The following PDE11A variants were observed in gnomAD, a reference collection of about 807,000 sequenced individuals.
PDE11A encodes the protein phosphodiesterase 11A.
Under a neutral mutation model 100.5 loss-of-function variants are expected in PDE11A, and 100 were observed. The ratio of observed to expected loss-of-function variants is 1.00; its 90% CI spans 0.85 to 1.18. The LOEUF (loss-of-function observed/expected upper bound fraction) is 1.18. Ranked by LOEUF, PDE11A falls within the 50% of genes most tolerant of loss-of-function variation. The pLI is 0.00. For missense variants in PDE11A, 1,141 were observed against 1,152.6 expected (o/e 0.99, Z 0.15); for synonymous variants, 381 against 420.8 (o/e 0.91, Z 1.16).
chr2:177,859,250 A>C (rs1166859652), intron 5 of PDE11A, among the ~76,000 whole-genome samples: 1 of 152,068 alleles, frequency 6.6e-6, no homozygotes, highest in Admixed American at 6.6e-5. Context: ...TAAAAAAATA[A>C]AATAAAATAA....
chr2:177,666,502 T>C (rs1286038525), intron 18 of PDE11A, among the ~76,000 whole-genome samples: 1 of 152,246 alleles, frequency 6.6e-6, no homozygotes, highest in East Asian at 1.9e-4. Flanking sequence ...TGCACCATTT[T>C]ACATTCCTGC....
intron 9 of PDE11A, among the ~76,000 whole-genome samples, chr2:177,782,212 C>T (rs1416461505): frequency 6.6e-6 from 1 of 152,152 alleles, no homozygotes; most frequent in African/African-American, 2.4e-5. Flanking sequence ...TGAAATTTAA[C>T]AGGTACTTTG....
At chr2:177,776,430 A>T (rs1381589765) in intron 9 of PDE11A, among the ~76,000 whole-genome samples, 1 of 152,066 alleles carries the variant, frequency 6.6e-6, no homozygotes, top group African/African-American at 2.4e-5. Context: ...ACCTCACAAC[A>T]TCTCCCAATG....
chr2:177,699,644 C>G (rs934809), intron 14 of PDE11A, among the ~76,000 whole-genome samples: 116,405 of 152,168 alleles, frequency 0.76, 44,597 homozygotes, highest in East Asian at 0.84. Flanking sequence ...ACATGCAGAT[C>G]TGGAGGAAGA....
chr2:178,066,404 G>T (rs551246411), intron 1 of PDE11A, among the ~76,000 whole-genome samples: 2 of 152,252 alleles, frequency 1.3e-5, no homozygotes, highest in South Asian at 4.1e-4. Context: ...TTTTATCATT[G>T]AATTTGTGCT....
At chr2:178,019,109 C>T (rs2086375712) in intron 1 of PDE11A, among the ~76,000 whole-genome samples, 1 of 152,190 alleles carries the variant, frequency 6.6e-6, no homozygotes, top group African/African-American at 2.4e-5. Context: ...TGCACAAAGA[C>T]TTTGCAGAAA....
chr2:177,815,566 T>C (rs2083024805), intron 9 of PDE11A, among the ~76,000 whole-genome samples: 1 of 152,148 alleles, frequency 6.6e-6, no homozygotes, highest in Non-Finnish European at 1.5e-5. Flanking sequence ...TTCCTCCTTC[T>C]TTCCCTCCCA....
chr2:177,821,644 T>TA (rs1022684174), intron 6 of PDE11A, among the ~76,000 whole-genome samples: 1 of 151,428 alleles, frequency 6.6e-6, no homozygotes. Flanking sequence ...GTCAGGCTTT[T>TA]AAAAAAAAAT....
intron 2 of PDE11A, among the ~76,000 whole-genome samples, chr2:178,005,267 G>T (rs973379888): frequency 1.3e-5 from 2 of 152,104 alleles, no homozygotes; most frequent in Non-Finnish European, 2.9e-5. Context: ...CTACTTTACT[G>T]CTAGCCCTTT....
chr2:177,932,560 A>C (rs557028975), intron 2 of PDE11A, among the ~76,000 whole-genome samples: 1 of 152,314 alleles, frequency 6.6e-6, no homozygotes, highest in South Asian at 2.1e-4. Context: ...TTAAAAACAA[A>C]ATCAAAAGAT....
At chr2:177,738,446 A>G (rs1340440590) in intron 10 of PDE11A, among the ~76,000 whole-genome samples, 1 of 152,212 alleles carries the variant, frequency 6.6e-6, no homozygotes, top group African/African-American at 2.4e-5. Flanking sequence ...TGTGTTGACT[A>G]CATTACACAT....
intron 10 of PDE11A, among the ~76,000 whole-genome samples, chr2:177,762,748 A>C (rs1016722194): frequency 6.6e-6 from 1 of 152,192 alleles, no homozygotes; most frequent in Non-Finnish European, 1.5e-5. Context: ...GCTCACAGTG[A>C]TCTTCTGGGG....
intron 7 of PDE11A, among the ~76,000 whole-genome samples, chr2:177,818,657 C>A (rs1363295709): frequency 1.3e-5 from 2 of 152,074 alleles, no homozygotes; most frequent in Non-Finnish European, 2.9e-5. Flanking sequence ...AGTTAACCTT[C>A]AAAGCAAAGT....
chr2:178,012,400 A>C (rs553835537), intron 2 of PDE11A, among the ~76,000 whole-genome samples: 2 of 152,338 alleles, frequency 1.3e-5, no homozygotes, highest in African/African-American at 4.8e-5. Flanking sequence ...ACACTTGCCT[A>C]GTTTCTTGTA....
At chr2:177,911,884 C>CAAAAAA (rs199655050) in intron 2 of PDE11A, among the ~76,000 whole-genome samples, 81 of 125,660 alleles carry the variant, frequency 6.4e-4, no homozygotes, top group African/African-American at 2.3e-3. Context: ...ACTCCATCTC[C>CAAAAAA]AAAAAAAAAA....
chr2:178,075,551 CAAAAAA>C (rs397756518), upstream of PDE11A, among the ~76,000 whole-genome samples: 1 of 47,854 alleles, frequency 2.1e-5, no homozygotes, highest in Non-Finnish European at 3.8e-5. Flanking sequence ...GACTCTGTCT[CAAAAAA>C]AAAAAAAAAA....
chr2:177,924,741 T>TA (rs71010830), intron 2 of PDE11A, among the ~76,000 whole-genome samples: 4 of 150,992 alleles, frequency 2.6e-5, no homozygotes, highest in African/African-American at 7.4e-5. Flanking sequence ...TTTTTTTTTT[T>TA]ATTATACTTT....
intron 14 of PDE11A, among the ~76,000 whole-genome samples, chr2:177,700,066 A>T (rs1190733722): frequency 6.6e-6 from 1 of 152,166 alleles, no homozygotes; most frequent in East Asian, 1.9e-4. Context: ...GGGCAATTCC[A>T]CAGCCACAGA....
chr2:177,755,600 C>CACTTTCCT (rs1466458080), intron 10 of PDE11A, among the ~76,000 whole-genome samples: 3 of 152,230 alleles, frequency 2.0e-5, no homozygotes, highest in African/African-American at 7.2e-5. Context: ...CCAACTGACA[C>CACTTTCCT]ACTTTCCTAA....
Sources: allele counts gnomAD v4.1 joint callset (sites outside exome capture counted in the v4.1 genomes callset), GRCh38; gene constraint gnomAD v4.1.1; transcripts MANE v1.5; gene names NCBI Gene and HGNC (gene_info 2026-07-23, HGNC 2026-07-21).